The following GPR161 variants were observed in gnomAD, a reference collection of about 807,000 sequenced individuals.
GPR161 encodes the protein G protein-coupled receptor 161.
Under a neutral mutation model 39.2 loss-of-function variants are expected in GPR161, and 25 were observed. The ratio of observed to expected loss-of-function variants is 0.64; its 90% CI spans 0.47 to 0.89. The LOEUF (loss-of-function observed/expected upper bound fraction) is 0.89. GPR161 is among the 40% of genes least tolerant of loss of function. The pLI, the probability that GPR161 is intolerant of heterozygous loss-of-function variation, is 0.00. For missense variants in GPR161, 547 were observed against 677.8 expected, an observed-to-expected ratio of 0.81 and a Z score of 2.14; for synonymous variants, 286 against 276.6, an observed-to-expected ratio of 1.03 and a Z score of -0.34.
chr1:168,104,521 G>C lies in GPR161; in HGVS notation c.330C>G (p.Ile110Met). The C allele has an allele frequency of 6.2e-7, 1 of 1,614,080 alleles. No individual in the cohort carries two copies. The change falls in exon 2 of 6, where the codon ATC becomes ATG. Residue 110 changes from isoleucine to methionine, a missense_variant. Ile to Met is a conservative substitution (Grantham distance 10). Coordinates refer to ENST00000682931, the MANE Select transcript of GPR161 (RefSeq NM_001375883.1). ...CNFSALLYLL[I>M]SSASMLTLGV... ...CGAGGGTTAGCATGCTGGCAGAGCTGATCAGCAGGTAGAGGAGGGCAGAGA... is the reference window on the plus strand; with the variant it reads ...CGAGGGTTAGCATGCTGGCAGAGCTCATCAGCAGGTAGAGGAGGGCAGAGA...
chr1:168,135,059 C>T lies in GPR161; in HGVS notation c.-45+1680G>A, dbSNP rs1572402778. On this transcript the variant is annotated intron_variant, in intron 1 of 5. Transcript: ENST00000682931. ...AGGCTGCAACACAAAGAGAACGGTTCGGATATCGTTGCGGCCTTGGATTAG... is the reference window on the plus strand; with the variant it reads ...AGGCTGCAACACAAAGAGAACGGTTTGGATATCGTTGCGGCCTTGGATTAG... The T allele has an allele frequency of 4.7e-6, 7 of 1,494,854 alleles. No homozygotes were observed. The East Asian group carries it at 1.5e-4, about 32-fold the overall frequency. 92.6% of individuals were successfully genotyped at this position (1,494,854 alleles called of 1,614,324 possible). A position where few individuals can be genotyped will look rare whatever the true frequency, so the allele number is the denominator to read the frequency against.
At chr1:168,104,991 C>CGCCTCA (rs1558112424) in intron 1 of GPR161, 97 bp from the exon 2 acceptor site, 4 of 869,070 alleles carry the variant, frequency 4.6e-6, no homozygotes, top group African/African-American at 3.3e-5. Flanking sequence ...TTAAGTGCTA[C>CGCCTCA]GCCTCAGATC....
chr1:168,132,240 G>T (rs887596210), intron 1 of GPR161, among the ~76,000 whole-genome samples: 2 of 151,874 alleles, frequency 1.3e-5, no homozygotes, highest in Non-Finnish European at 2.9e-5. Flanking sequence ...ACTCCAGCCT[G>T]GGCGACAGAG....
intron 1 of GPR161, among the ~76,000 whole-genome samples, chr1:168,128,560 A>G (rs902220391): frequency 6.6e-6 from 1 of 152,252 alleles, no homozygotes; most frequent in Admixed American, 6.5e-5. Context: ...CTTAATAAAC[A>G]GATCAAGAAA....
chr1:168,097,296 C>T, intron 2 of GPR161, 64 bp from the exon 3 acceptor site: 2 of 1,526,842 alleles, frequency 1.3e-6, no homozygotes, highest in Non-Finnish European at 1.8e-6. Flanking sequence ...CGCTGCCTTC[C>T]TGCGTCAGGG....
At chr1:168,111,967 A>T (rs1416656235) in intron 1 of GPR161, among the ~76,000 whole-genome samples, 1 of 151,172 alleles carries the variant, frequency 6.6e-6, no homozygotes, top group Non-Finnish European at 1.5e-5. Flanking sequence ...TTCAACAGAA[A>T]AAAAAAAAAA....
intron 1 of GPR161, among the ~76,000 whole-genome samples, chr1:168,127,206 CG>C: frequency 6.6e-6 from 1 of 152,242 alleles, no homozygotes; most frequent in South Asian, 2.1e-4. Context: ...TCAAGCTGGC[CG>C]GGCACAGTGG....
At chr1:168,134,800 T>C in intron 1 of GPR161, 1 of 983,360 alleles carries the variant, frequency 1.0e-6, no homozygotes, top group Non-Finnish European at 1.6e-6. Context: ...GGAGACAGGC[T>C]TAGCAGCACA....
intron 3 of GPR161, among the ~76,000 whole-genome samples, chr1:168,093,651 A>C (rs1280290386): frequency 6.6e-6 from 1 of 152,168 alleles, no homozygotes; most frequent in Non-Finnish European, 1.5e-5. Flanking sequence ...TCATACCTCT[A>C]GTTAACACTA....
intron 2 of GPR161, among the ~76,000 whole-genome samples, chr1:168,101,739 G>A (rs1313138218): frequency 4.6e-5 from 7 of 152,186 alleles, no homozygotes; most frequent in East Asian, 1.9e-4. Context: ...TATGACAAGC[G>A]TGTAACATTT....
chr1:168,104,812 C>T lies in GPR161; in HGVS notation c.39G>A (p.Leu13=), dbSNP rs1696445264. 1 of 1,613,854 alleles carries T rather than the reference C, an allele frequency of 6.2e-7. No individual in the cohort carries two copies. Among genetic ancestry groups the T allele is most frequent in the South Asian group, 1.1e-5 (1 of 91,078 alleles). The stretch of plus-strand genomic sequence containing the variant: ...CACCCTCCTCCTCAGTGAGATTACT[C>T]AGCTCCTTCCTGCAGCTGAGGGAGG... ...LNSSLSCRKE[L]SNLTEEEGGE... The change falls in exon 2 of 6, where the codon CTG becomes CTA. Residue 13 remains leucine (L), a synonymous_variant. Coordinates refer to ENST00000682931, the MANE Select transcript of GPR161 (RefSeq NM_001375883.1).
At chr1:168,087,533 A>G (rs893516862) in intron 5 of GPR161, 52 bp downstream of exon 5, 4 of 1,605,622 alleles carry the variant, frequency 2.5e-6, no homozygotes, top group Admixed American at 1.7e-5. Flanking sequence ...TTGTCCTAAG[A>G]TCCTTTCCGT....
At chr1:168,120,025 G>T (rs748572742) in intron 1 of GPR161, among the ~76,000 whole-genome samples, 2 of 152,218 alleles carry the variant, frequency 1.3e-5, no homozygotes, top group Non-Finnish European at 2.9e-5. Flanking sequence ...CACACGCTAG[G>T]GGCACTGCCT....
chr1:168,106,898 G>C (rs371662924), intron 1 of GPR161, among the ~76,000 whole-genome samples: 5 of 152,196 alleles, frequency 3.3e-5, no homozygotes, highest in African/African-American at 1.2e-4. Flanking sequence ...GTCTTTGTAA[G>C]GTTGTTTTTG....
chr1:168,120,525 T>C (rs1490192600), intron 1 of GPR161, among the ~76,000 whole-genome samples: 1 of 152,140 alleles, frequency 6.6e-6, no homozygotes, highest in East Asian at 1.9e-4. Context: ...TGGGGGACTG[T>C]TGGGAAGGGA....
chr1:168,083,879 A>T lies in GPR161; in HGVS notation c.*1652T>A, dbSNP rs185180748. ...CTCACCAGGAGCTAGCTGGGCCCCA[A>T]AGAAAAAACCACAAGGGTAATTCAC... On this transcript the variant is annotated 3_prime_UTR_variant, in exon 6 of 6. Transcript: ENST00000682931. 1 of 152,004 alleles carries T rather than the reference A, an allele frequency of 6.6e-6. No homozygotes were observed. The highest frequency in any genetic ancestry group is 6.5e-5 in the Admixed American group (1 of 15,286). 9.4% of individuals were successfully genotyped at this position (152,004 alleles called of 1,614,324 possible). A position where few individuals can be genotyped will look rare whatever the true frequency, so the allele number is the denominator to read the frequency against.
intron 3 of GPR161, among the ~76,000 whole-genome samples, chr1:168,091,094 A>C (rs145616026): frequency 6.6e-4 from 101 of 152,314 alleles, no homozygotes; most frequent in African/African-American, 2.3e-3. Flanking sequence ...GAAGGAGAGA[A>C]TTTTTGTAAG....
chr1:168,102,788 A>G (rs1055436245), intron 2 of GPR161, among the ~76,000 whole-genome samples: 2 of 151,018 alleles, frequency 1.3e-5, no homozygotes, highest in South Asian at 4.2e-4. Flanking sequence ...GCCTCACTCC[A>G]TGTTCCACGG....
intron 1 of GPR161, among the ~76,000 whole-genome samples, chr1:168,119,899 G>A (rs1698019137): frequency 6.6e-6 from 1 of 152,042 alleles, no homozygotes. Context: ...CTATCTAGAT[G>A]TCAGAGGATG....
Sources: gnomAD v4.1 joint callset for allele counts (sites outside exome capture counted in the v4.1 genomes callset) on GRCh38, gnomAD v4.1.1 for gene constraint, MANE v1.5 for transcripts, NCBI Gene and HGNC (gene_info 2026-07-23, HGNC 2026-07-21) for gene names.